KIF26A: variants seen among roughly 807,000 people sequenced by gnomAD.
KIF26A encodes kinesin family member 26A.
KIF26A carries 74 observed loss-of-function variants against 126.0 expected under a neutral mutation model. That is an observed-to-expected ratio of 0.59 (90% CI 0.49 to 0.71). The LOEUF is 0.71. Among genes scored for constraint, KIF26A ranks in the 30% least tolerant of loss-of-function variants. The pLI, the probability that KIF26A is intolerant of heterozygous loss-of-function variation, is 0.00. For missense variants in KIF26A, 2,984 were observed against 2,763.3 expected, an observed-to-expected ratio of 1.08 and a Z score of -1.79; for synonymous variants, 1,445 against 1,232.7, an observed-to-expected ratio of 1.17 and a Z score of -3.61.
intron 7 of KIF26A, 96 bp downstream of exon 7, chr14:104,172,764 C>T: frequency 8.7e-7 from 1 of 1,142,936 alleles, no homozygotes; most frequent in African/African-American, 1.5e-5. Context: ...GGAAAGGAGG[C>T]TGGTCCTACA....
chr14:104,150,788 G>A (rs959423996), intron 2 of KIF26A, among the ~76,000 whole-genome samples: 1 of 152,226 alleles, frequency 6.6e-6, no homozygotes, highest in Non-Finnish European at 1.5e-5. Context: ...GCCAGGTTTC[G>A]GGTGGTGGGA....
chr14:104,159,112 C>T (rs149428509), intron 4 of KIF26A, among the ~76,000 whole-genome samples: 4 of 152,336 alleles, frequency 2.6e-5, no homozygotes, highest in African/African-American at 7.2e-5. Flanking sequence ...CACACCATCG[C>T]GTTGGAGCAC....
intron 5 of KIF26A, among the ~76,000 whole-genome samples, chr14:104,170,522 G>A (rs757015136): frequency 2.6e-5 from 4 of 152,222 alleles, no homozygotes; most frequent in Non-Finnish European, 4.4e-5. Flanking sequence ...AATTAAATCC[G>A]TGAAAAATAT....
At chr14:104,177,936 G>A in intron 12 of KIF26A, 38 bp downstream of exon 12, 1 of 1,459,976 alleles carries the variant, frequency 6.8e-7, no homozygotes, top group Non-Finnish European at 9.0e-7. Flanking sequence ...CAGTTTACGG[G>A]CTTTCTGTGT....
chr14:104,173,897 C>T, intron 10 of KIF26A, 29 bp downstream of exon 10: 1 of 1,539,522 alleles, frequency 6.5e-7, no homozygotes, highest in Non-Finnish European at 8.7e-7. Flanking sequence ...CAGGTGCCGA[C>T]CAGGGTGGCC....
intron 12 of KIF26A, 86 bp from the exon 13 acceptor site, chr14:104,178,464 C>A (rs556932226): frequency 9.7e-7 from 1 of 1,032,216 alleles, no homozygotes; most frequent in Non-Finnish European, 1.3e-6. Context: ...TGTCAGGACT[C>A]GGGCCGGCTC....
chr14:104,179,105 C>T (rs542579163), intron 13 of KIF26A, 131 bp from the exon 14 acceptor site: 58 of 1,116,502 alleles, frequency 5.2e-5, no homozygotes, highest in South Asian at 1.5e-4. Context: ...GCCCCCTGCC[C>T]GCCCTTGGAG....
chr14:104,161,392 C>T (rs528680092), intron 4 of KIF26A, among the ~76,000 whole-genome samples: 19 of 152,302 alleles, frequency 1.2e-4, no homozygotes, highest in African/African-American at 4.3e-4. Context: ...GATTCCTGCA[C>T]GCGACAGAAC....
chr14:104,165,138 T>C (rs1206763540), intron 4 of KIF26A, among the ~76,000 whole-genome samples: 1 of 116,122 alleles, frequency 8.6e-6, no homozygotes, highest in Non-Finnish European at 1.7e-5. Flanking sequence ...TATGTCTCTG[T>C]GTGTTTCTGT....
Position 104,175,285 on chromosome 14 carries a change from G to T in KIF26A, c.2497G>T (p.Ala833Ser). ...RHRPSKGPRD[A>S]DHFRCSTFAE... ...CCGGCCCTCCAAGGGTCCCCGAGAC[G>T]CAGACCACTTCCGCTGCAGCACCTT... The change falls in exon 12 of 15, where the codon GCA becomes TCA. Residue 833 changes from alanine (A) to serine (S), a missense_variant. Ala to Ser is a moderately conservative substitution (Grantham distance 99). Transcript: ENST00000423312. The T allele has an allele frequency of 6.2e-7, 1 of 1,605,220 alleles. No homozygotes were observed.
intron 2 of KIF26A, among the ~76,000 whole-genome samples, chr14:104,146,484 A>G (rs1370406902): frequency 6.6e-6 from 1 of 151,822 alleles, no homozygotes; most frequent in Non-Finnish European, 1.5e-5. Context: ...GAGTGGTGGG[A>G]AGAGCATGGA....
At position 104,179,665 on chromosome 14, in the gene KIF26A, C is replaced by T. The variant is rs1178169306; in HGVS notation, c.5524C>T (p.Arg1842Ter). 5.2e-6 allele frequency: 8 copies of T among 1,547,762 alleles called. No individual in the cohort carries two copies. The highest frequency in any genetic ancestry group is 2.0e-5 in the Admixed American group (1 of 50,832). ...ESAEYLAALE[R>*]ATAALEQCVN... ...GGCCGAGTACCTGGCGGCCCTGGAG[C>T]GAGCCACGGCGGCCCTGGAGCAGTG... Residue 1842 changes from arginine (R) to a stop codon, truncating the protein, a stop_gained, in exon 15 of 15, where the codon CGA becomes TGA. Coordinates refer to ENST00000423312, the MANE Select transcript of KIF26A (RefSeq NM_015656.2). LOFTEE classifies it high-confidence loss of function.
At position 104,175,650 on chromosome 14, in the gene KIF26A, A is replaced by G. The variant is rs1486693345; in HGVS notation, c.2862A>G (p.Pro954=). The G allele has an allele frequency of 6.2e-7, 1 of 1,609,384 alleles. No individual in the cohort carries two copies. Among genetic ancestry groups the G allele is most frequent in the Non-Finnish European group, 8.5e-7 (1 of 1,179,102 alleles). The stretch of plus-strand genomic sequence containing the variant: ...GGCCACTGCCCAGCCCGGCTCCCCC[A>G]CCTCCTCAGTTGCTGGAAGCCTGCA... ...GRRPLPSPAP[P]PPQLLEACRA... Residue 954 remains proline (P), a synonymous_variant, in exon 12 of 15, where the codon CCA becomes CCG. Coordinates refer to ENST00000423312, the MANE Select transcript of KIF26A (RefSeq NM_015656.2).
chr14:104,172,156 C>T (rs1181839543), intron 6 of KIF26A, among the ~76,000 whole-genome samples: 1 of 152,240 alleles, frequency 6.6e-6, no homozygotes, highest in Non-Finnish European at 1.5e-5. Flanking sequence ...GCCAAGTCCA[C>T]AGGGAAAGGC....
intron 3 of KIF26A, among the ~76,000 whole-genome samples, chr14:104,155,150 C>T (rs374771163): frequency 3.9e-5 from 6 of 152,188 alleles, no homozygotes; most frequent in Non-Finnish European, 5.9e-5. Context: ...CCTCCCTGGC[C>T]GCTCCTCAGC....
chr14:104,154,518 T>A (rs1289445615), intron 3 of KIF26A, among the ~76,000 whole-genome samples: 3 of 152,052 alleles, frequency 2.0e-5, no homozygotes, highest in African/African-American at 7.2e-5. Flanking sequence ...CAGCGGTTCT[T>A]CCCGGACTGT....
rs149165795 is a variant in KIF26A, at chr14:104,173,536, C to T, written c.1867+23C>T. ...GAAGTAGGTGCCACACCCGCACTCCCGGGCCCCTGTGGGATGCGTGTCAGC... is the reference window on the plus strand; with the variant it reads ...GAAGTAGGTGCCACACCCGCACTCCTGGGCCCCTGTGGGATGCGTGTCAGC... On this transcript the variant is annotated intron_variant, in intron 9 of 14. Coordinates refer to ENST00000423312, the MANE Select transcript of KIF26A (RefSeq NM_015656.2). The T allele has an allele frequency of 6.3e-3, 9,626 of 1,529,112 alleles. 117 individuals carry two copies. Among genetic ancestry groups the T allele is most frequent in the South Asian group, 0.037 (2,882 of 78,688 alleles). The allele number at this position is 1,529,112 out of a possible 1,614,324, so 94.7% of individuals were successfully genotyped here.
chr14:104,150,355 T>G (rs2037717910), intron 2 of KIF26A, among the ~76,000 whole-genome samples: 1 of 151,800 alleles, frequency 6.6e-6, no homozygotes, highest in African/African-American at 2.4e-5. Context: ...GGCCCTGGGT[T>G]GGAGGAAATC....
chr14:104,139,364 G>A (rs1262889158), intron 2 of KIF26A, 76 bp downstream of exon 2: 3 of 1,364,502 alleles, frequency 2.2e-6, no homozygotes, highest in African/African-American at 1.5e-5. Context: ...GGCTTGGAGG[G>A]AAGCAGGGTT....
Sources: gnomAD v4.1 joint callset for allele counts (sites outside exome capture counted in the v4.1 genomes callset) on GRCh38, gnomAD v4.1.1 for gene constraint, MANE v1.5 for transcripts, NCBI Gene and HGNC (gene_info 2026-07-23, HGNC 2026-07-21) for gene names.